Variants in MCOLN3 observed in about 807,000 individuals in gnomAD.
MCOLN3 encodes mucolipin-3.
MCOLN3 carries 62 observed loss-of-function variants against 69.4 expected under a neutral mutation model. The ratio of observed to expected loss-of-function variants is 0.89; its 90% confidence interval spans 0.73 to 1.10. MCOLN3 has a LOEUF of 1.10. MCOLN3 is among the 50% of genes least tolerant of loss of function. The pLI, the probability that MCOLN3 is intolerant of heterozygous loss-of-function variation, is 0.00. For synonymous variants in MCOLN3, 183 were observed against 217.0 expected (o/e 0.84, Z 1.38); for missense variants, 564 against 656.4 (o/e 0.86, Z 1.54).
Position 85,022,407 on chromosome 1 carries a change from G to C in MCOLN3, c.1096-7C>G, listed in dbSNP as rs1269479622. ...CATCATAACTAGTTAGACTCTAAGA[G>C]AGAGTGGAAAAATATAATCAGATTA... On this transcript the variant is annotated splice_region_variant and splice_polypyrimidine_tract_variant and intron_variant, in intron 9 of 12. Transcript: ENST00000370589. 1.3e-6 allele frequency: 2 copies of C among 1,554,298 alleles called. No individual in the cohort carries two copies. Among genetic ancestry groups the C allele is most frequent in the South Asian group, 1.1e-5 (1 of 87,844 alleles).
At position 85,032,688 on chromosome 1, in the gene MCOLN3, A is replaced by T; in HGVS notation, c.732+8T>A. The T allele has an allele frequency of 6.3e-7, 1 of 1,599,184 alleles. No individual in the cohort carries two copies. Among genetic ancestry groups the T allele is most frequent in the Non-Finnish European group, 8.6e-7 (1 of 1,166,972 alleles). On this transcript the variant is annotated splice_region_variant and intron_variant, in intron 6 of 12. Coordinates refer to ENST00000370589, the MANE Select transcript of MCOLN3 (RefSeq NM_018298.11). ...ACTGGAACCAAATTCAGCCTGGCCC[A>T]CACTTACAGTCAGAGTAAAGTCATA...
chr1:85,046,570 G>A (rs1203931504), intron 1 of MCOLN3, among the ~76,000 whole-genome samples: 1 of 152,152 alleles, frequency 6.6e-6, no homozygotes, highest in East Asian at 1.9e-4. Context: ...CAATGAAGAA[G>A]GAAAATTGTA....
chr1:85,020,799 C>T (rs1026421358), intron 12 of MCOLN3, among the ~76,000 whole-genome samples: 4 of 152,186 alleles, frequency 2.6e-5, no homozygotes, highest in Non-Finnish European at 2.9e-5. Context: ...GTTTTTTACT[C>T]TTTGCCCCCC....
In MCOLN3 at chr1:85,046,880, G is replaced by A. The variant is rs1391118586; in HGVS notation, c.-3+1516C>T. On this transcript the variant is annotated intron_variant, in intron 1 of 12. Coordinates refer to ENST00000370589, the MANE Select transcript of MCOLN3 (RefSeq NM_018298.11). ...ATTAAAGTGTGGCTCCTGTGTGCGT[G>A]TTAAAATGCCTGTCAAAGCATAAAT... is the stretch of plus-strand genomic sequence containing the variant. Among the ~76,000 whole-genome samples the A allele has an allele frequency of 3.3e-5, 5 of 152,164 alleles. No individual in the cohort carries two copies. In the East Asian group the frequency reaches 9.6e-4, roughly 29 times the overall value.
At chr1:85,034,051 A>G in intron 4 of MCOLN3, 47 bp downstream of exon 4, 1 of 1,577,992 alleles carries the variant, frequency 6.3e-7, no homozygotes. Flanking sequence ...TTTAAATATA[A>G]ATTGAGGTGT....
intron 6 of MCOLN3, 22 bp from the exon 7 acceptor site, chr1:85,029,227 C>T: frequency 3.5e-6 from 5 of 1,422,980 alleles, no homozygotes; most frequent in Non-Finnish European, 5.0e-6. Flanking sequence ...GGAAAACAGT[C>T]AAAAACATAC....
intron 1 of MCOLN3, among the ~76,000 whole-genome samples, chr1:85,047,019 A>C (rs764514911): frequency 2.0e-5 from 3 of 152,222 alleles, no homozygotes; most frequent in Non-Finnish European, 4.4e-5. Context: ...CCAGCATTTA[A>C]GGAGACTTTA....
At position 85,040,989 on chromosome 1, in the gene MCOLN3, TA is replaced by T; in HGVS notation, c.396+20del. On this transcript the variant is annotated intron_variant, in intron 3 of 12. Coordinates refer to ENST00000370589, the MANE Select transcript of MCOLN3 (RefSeq NM_018298.11). ...CAGTCTGTTCTTTTTCCCAAGTAAA[TA>T]ATGCACACACTTGATTTACCTGGTT... 6.2e-7 allele frequency: 1 copy of T among 1,610,042 alleles called. No homozygotes were observed. Among genetic ancestry groups the T allele is most frequent in the East Asian group, 2.2e-5 (1 of 44,672 alleles).
At chr1:85,046,985 C>T (rs971250819) in intron 1 of MCOLN3, among the ~76,000 whole-genome samples, 2 of 152,100 alleles carry the variant, frequency 1.3e-5, no homozygotes, top group Admixed American at 1.3e-4. Context: ...GTTTTACTTC[C>T]TTCAAAAAGG....
intron 9 of MCOLN3, 167 bp downstream of exon 9, chr1:85,025,772 G>C: frequency 1.5e-6 from 1 of 655,430 alleles, no homozygotes; most frequent in Non-Finnish European, 2.6e-6. Context: ...CTCTGCCTAA[G>C]AGACCTCCTG....
intron 3 of MCOLN3, among the ~76,000 whole-genome samples, chr1:85,039,876 A>G (rs902526213): frequency 1.3e-5 from 2 of 151,802 alleles, no homozygotes; most frequent in South Asian, 4.2e-4. Flanking sequence ...ACTTGTGCCC[A>G]GGAGGTTGAG....
At chr1:85,039,374 C>A (rs1449541508) in intron 3 of MCOLN3, among the ~76,000 whole-genome samples, 1 of 152,148 alleles carries the variant, frequency 6.6e-6, no homozygotes, top group East Asian at 1.9e-4. Flanking sequence ...ATTAGCCAGG[C>A]CATTTTGTCC....
intron 2 of MCOLN3, among the ~76,000 whole-genome samples, chr1:85,044,624 G>T (rs187718935): frequency 6.6e-6 from 1 of 152,284 alleles, no homozygotes. Context: ...GAGGTCCTGT[G>T]TTTCACTAGC....
chr1:85,020,173 C>T (rs1196201952), intron 12 of MCOLN3, among the ~76,000 whole-genome samples: 1 of 152,156 alleles, frequency 6.6e-6, no homozygotes, highest in Admixed American at 6.5e-5. Context: ...CTTGGTGATC[C>T]TAAGGACACA....
chr1:85,040,475 C>T (rs1208230217), intron 3 of MCOLN3, among the ~76,000 whole-genome samples: 1 of 152,044 alleles, frequency 6.6e-6, no homozygotes, highest in African/African-American at 2.4e-5. Flanking sequence ...ATATTACAAA[C>T]TCAGAATAAA....
chr1:85,029,827 T>C (rs1652413236), intron 6 of MCOLN3: 2 of 152,250 alleles, frequency 1.3e-5, no homozygotes, highest in South Asian at 2.1e-4. Context: ...ACACCTTCCA[T>C]AGTTTTCCTA....
In MCOLN3 at chr1:85,034,079, G is replaced by A; in HGVS notation, c.550+19C>T. The A allele has an allele frequency of 6.2e-7, 1 of 1,613,414 alleles. No individual in the cohort carries two copies. On this transcript the variant is annotated intron_variant, in intron 4 of 12. Coordinates refer to ENST00000370589, the MANE Select transcript of MCOLN3 (RefSeq NM_018298.11). ...TGAGGTGTTAAAAATTGAGGTTCTAGGTTATAGAAGAACATCACCAGTTTC... is the reference window on the plus strand; with the variant it reads ...TGAGGTGTTAAAAATTGAGGTTCTAAGTTATAGAAGAACATCACCAGTTTC...
At chr1:85,039,507 T>G (rs557158896) in intron 3 of MCOLN3, among the ~76,000 whole-genome samples, 27 of 152,312 alleles carry the variant, frequency 1.8e-4, no homozygotes, top group African/African-American at 6.5e-4. Flanking sequence ...TGTTTGTCTG[T>G]TATCTAGTCT....
intron 6 of MCOLN3, among the ~76,000 whole-genome samples, chr1:85,031,855 G>A (rs1373919294): frequency 2.0e-5 from 3 of 152,134 alleles, no homozygotes; most frequent in Admixed American, 6.5e-5. Context: ...GGTGGATCAC[G>A]AAGTCAGAAG....
Sources: gnomAD v4.1 joint callset for allele counts (sites outside exome capture counted in the v4.1 genomes callset) on GRCh38, gnomAD v4.1.1 for gene constraint, MANE v1.5 for transcripts, NCBI Gene and HGNC (gene_info 2026-07-23, HGNC 2026-07-21) for gene names.